Variants in ZNF8 observed in about 807,000 individuals in gnomAD.
The protein encoded by ZNF8 is zinc finger protein 272.
A neutral mutation model predicts 12.2 loss-of-function variants in ZNF8; 9 were observed. The ratio of observed to expected loss-of-function variants is 0.73; its 90% confidence interval spans 0.44 to 1.28. The LOEUF (loss-of-function observed/expected upper bound fraction) is 1.28. Among genes scored for constraint, ZNF8 ranks in the 50% most tolerant of loss-of-function variants. The probability of loss-of-function intolerance (pLI) is 0.00; values close to 1 mark genes in which losing one functional copy is unlikely to be tolerated. For synonymous variants in ZNF8, 274 were observed against 282.3 expected, an observed-to-expected ratio of 0.97 and a Z score of 0.30; for missense variants, 664 against 729.1, an observed-to-expected ratio of 0.91 and a Z score of 1.03.
In ZNF8 at chr19:58,294,897, C is replaced by T; in HGVS notation, c.1089C>T (p.His363=). The change falls in exon 4 of 4, where the codon CAC becomes CAT. Residue 363 remains histidine, a synonymous_variant. Transcript: ENST00000621650. The surrounding 1 kb of genome is among the most constrained non-coding windows in gnomAD (Gnocchi z 5.5). Reference sequence around the variant, plus strand: ...CCCTGGGGCGGCACAAGAGGACACACACTGGGGAGAAGCCATACACCTGCA... The same window carrying T: ...CCCTGGGGCGGCACAAGAGGACACATACTGGGGAGAAGCCATACACCTGCA... The part of the protein sequence containing the change: ...NSSLGRHKRT[H]TGEKPYTCSV... 2 of 1,614,164 alleles carry T rather than the reference C, an allele frequency of 1.2e-6. No individual in the cohort carries two copies. Among genetic ancestry groups the T allele is most frequent in the Non-Finnish European group, 1.7e-6 (2 of 1,180,024 alleles).
Position 58,298,848 on chromosome 19 carries a change from CTTTTTTT to C in ZNF8, c.*3318_*3324del, listed in dbSNP as rs59558978. On this transcript the variant is annotated 3_prime_UTR_variant, in exon 4 of 4. Transcript: ENST00000621650. The stretch of plus-strand genomic sequence containing the variant: ...GTTGGAATTTTTCTTTTTTCTTTTT[CTTTTTTT>C]TTTTTGTGATGGAGACTTGCTCTGT... 2 of 145,534 alleles carry C rather than the reference CTTTTTTT, an allele frequency of 1.4e-5. No individual in the cohort carries two copies. The highest frequency in any genetic ancestry group is 3.0e-5 in the Non-Finnish European group (2 of 66,030). 9.0% of individuals were successfully genotyped at this position (145,534 alleles called of 1,614,324 possible).
chr19:58,283,943 GA>G (rs901152543), intron 1 of ZNF8, among the ~76,000 whole-genome samples: 1 of 152,020 alleles, frequency 6.6e-6, no homozygotes, highest in South Asian at 2.1e-4. Context: ...GAGAGAGAGA[GA>G]AAAAAAGCAA....
At position 58,279,662 on chromosome 19, in the gene ZNF8, C is replaced by T. The variant is rs114681826; in HGVS notation, c.66+515C>T. The T allele has an allele frequency of 1.3e-3, 1,987 of 1,533,352 alleles. 23 individuals carry two copies. The African/African-American group carries it at 0.024, about 18-fold the overall frequency. 95.0% of individuals were successfully genotyped at this position (1,533,352 alleles called of 1,614,324 possible). ...TCTTGGGGGCAATGATGGGTCACCA[C>T]GCACTGAGTGTGATGAGAGTGACCA... On this transcript the variant is annotated intron_variant, in intron 1 of 3. Coordinates refer to ENST00000621650, the MANE Select transcript of ZNF8 (RefSeq NM_021089.3).
chr19:58,287,593 C>T (rs1199630862), intron 3 of ZNF8, among the ~76,000 whole-genome samples: 3 of 150,454 alleles, frequency 2.0e-5, no homozygotes, highest in Non-Finnish European at 4.4e-5. Context: ...CCTGTCTTGG[C>T]CTCTCAAAGT....
chr19:58,290,174 C>G (rs377308905), intron 3 of ZNF8, among the ~76,000 whole-genome samples: 1 of 124,272 alleles, frequency 8.0e-6, no homozygotes, highest in South Asian at 2.7e-4. Flanking sequence ...ACTGCAGTGG[C>G]GCAATCTCGG....
intron 1 of ZNF8, among the ~76,000 whole-genome samples, chr19:58,282,052 G>T (rs141664438): frequency 6.6e-6 from 1 of 152,162 alleles, no homozygotes. Flanking sequence ...GATGGAGGTC[G>T]CAGTGAACCG....
chr19:58,294,415 T>G lies in ZNF8; in HGVS notation c.607T>G (p.Tyr203Asp). 6.2e-7 allele frequency: 1 copy of G among 1,614,100 alleles called. No individual in the cohort carries two copies. Among genetic ancestry groups the G allele is most frequent in the East Asian group, 2.2e-5 (1 of 44,880 alleles). The change falls in exon 4 of 4, where the codon TAC becomes GAC. Residue 203 changes from tyrosine to aspartate, a missense_variant. Around this residue, in one of 3 missense-constraint regions of ZNF8, gnomAD observed 306 missense variants for 308.7 expected, o/e 0.99. Coordinates refer to ENST00000621650, the MANE Select transcript of ZNF8 (RefSeq NM_021089.3). The surrounding 1 kb of genome is among the most constrained non-coding windows in gnomAD (Gnocchi z 5.5). ...CTCTAGAGGGGAGTATTTGTATACT[T>G]ACGACTCACAGATTACAGACTCAGA... ...EISRGEYLYT[Y>D]DSQITDSEHN...
At chr19:58,285,980 C>T in intron 2 of ZNF8, 130 bp from the exon 3 acceptor site, 1 of 1,401,886 alleles carries the variant, frequency 7.1e-7, no homozygotes, top group Admixed American at 2.0e-5. Flanking sequence ...CCTTTTCCAT[C>T]ACCATGCAGA....
chr19:58,282,966 C>T (rs1258382111), intron 1 of ZNF8, among the ~76,000 whole-genome samples: 1 of 147,700 alleles, frequency 6.8e-6, no homozygotes, highest in Non-Finnish European at 1.5e-5. Flanking sequence ...TATTTTATTT[C>T]TTTTTTTTCT....
intron 3 of ZNF8, among the ~76,000 whole-genome samples, chr19:58,288,343 G>T (rs976791115): frequency 6.6e-6 from 1 of 152,162 alleles, no homozygotes; most frequent in Non-Finnish European, 1.5e-5. Flanking sequence ...AGGTGCCAGG[G>T]CTGATTGTTC....
At position 58,299,252 on chromosome 19, in the gene ZNF8, ACAGGCGCCCG is replaced by A. The variant is rs1348094813; in HGVS notation, c.*3718_*3727del. 1.3e-5 allele frequency: 2 copies of A among 151,552 alleles called. No individual in the cohort carries two copies. The highest frequency in any genetic ancestry group is 2.9e-5 in the Non-Finnish European group (2 of 67,984). The allele number at this position is 151,552 out of a possible 1,614,324, so 9.4% of individuals were successfully genotyped here. A position where few individuals can be genotyped will look rare whatever the true frequency, so the allele number is the denominator to read the frequency against. On this transcript the variant is annotated 3_prime_UTR_variant, in exon 4 of 4. Transcript: ENST00000621650. ...CTCAGCCTCCCGAGTAGCTGGGACT[ACAGGCGCCCG>A]CCACCACGCCCGGCAAATTTTTTGC...
chr19:58,278,965 C>A lies in ZNF8; in HGVS notation c.-117C>A. 1.6e-6 allele frequency: 2 copies of A among 1,239,342 alleles called. No homozygotes were observed. Among genetic ancestry groups the A allele is most frequent in the Non-Finnish European group, 2.1e-6 (2 of 948,146 alleles). 76.8% of individuals were successfully genotyped at this position (1,239,342 alleles called of 1,614,324 possible). On this transcript the variant is annotated 5_prime_UTR_variant, in exon 1 of 4. Transcript: ENST00000621650. ...GGCCTACTGGGAGTTGTAGTCGCCG[C>A]GTCGCCGGTGCGGCCGCCATTGTCC...
At chr19:58,292,847 T>C (rs914239929) in intron 3 of ZNF8, among the ~76,000 whole-genome samples, 1 of 152,244 alleles carries the variant, frequency 6.6e-6, no homozygotes, top group Non-Finnish European at 1.5e-5. Flanking sequence ...GTTTCTACTT[T>C]TGGCTATTAA....
At chr19:58,286,302 A>C (rs1600454626) in intron 3 of ZNF8, 97 bp downstream of exon 3, 6 of 990,144 alleles carry the variant, frequency 6.1e-6, no homozygotes. Context: ...GGTCCTGAAG[A>C]CCACCCCATT....
chr19:58,293,447 T>G (rs260470), intron 3 of ZNF8, among the ~76,000 whole-genome samples: 61,549 of 152,102 alleles, frequency 0.4, 13,358 homozygotes, highest in African/African-American at 0.55. Context: ...CGGTGAGGTG[T>G]ACCCAGAATG....
chr19:58,291,864 A>G (rs964572538), intron 3 of ZNF8, among the ~76,000 whole-genome samples: 22 of 152,182 alleles, frequency 1.4e-4, no homozygotes, highest in Admixed American at 1.4e-3. Flanking sequence ...AGCAGGTGCA[A>G]AGGGCCCCAG....
chr19:58,293,481 G>C (rs774653881), intron 3 of ZNF8, among the ~76,000 whole-genome samples: 2 of 152,194 alleles, frequency 1.3e-5, no homozygotes, highest in South Asian at 4.1e-4. Context: ...CCTGTATTTT[G>C]GTCAGGACAA....
At chr19:58,285,316 T>A (rs998616460) in intron 1 of ZNF8, among the ~76,000 whole-genome samples, 3 of 152,114 alleles carry the variant, frequency 2.0e-5, no homozygotes, top group Non-Finnish European at 2.9e-5. Flanking sequence ...CAATTTCACT[T>A]TGTATCTAAG....
chr19:58,289,953 T>C (rs886609001), intron 3 of ZNF8, among the ~76,000 whole-genome samples: 4 of 151,848 alleles, frequency 2.6e-5, no homozygotes, highest in East Asian at 1.9e-4. Flanking sequence ...CGTGCCACCA[T>C]GCCCAGCTAA....
Sources: gnomAD v4.1 joint callset for allele counts (sites outside exome capture counted in the v4.1 genomes callset) on GRCh38, gnomAD v4.1.1 for gene constraint, gnomAD v4.1.1 regional missense constraint, Gnocchi (gnomAD v3.1) non-coding constraint, MANE v1.5 for transcripts, NCBI Gene and HGNC (gene_info 2026-07-23, HGNC 2026-07-21) for gene names.